The following PDE4D variants were observed in gnomAD, a reference collection of about 807,000 sequenced individuals.
The protein encoded by PDE4D is phosphodiesterase 4D, also known as 3',5'-cyclic-AMP phosphodiesterase 4D.
In PDE4D, 24 loss-of-function variants were observed where a neutral mutation model predicts 87.4. The ratio of observed to expected loss-of-function variants is 0.27; its 90% CI spans 0.20 to 0.39. The LOEUF (loss-of-function observed/expected upper bound fraction) is 0.39, where lower values mean the gene tolerates loss of function less well. PDE4D is among the 10% of genes least tolerant of loss of function. PDE4D has a pLI of 1.00. For synonymous variants in PDE4D, 384 were observed against 383.2 expected, an observed-to-expected ratio of 1.00 and a Z score of -0.02; for missense variants, 714 against 1,041.0, an observed-to-expected ratio of 0.69 and a Z score of 4.32.
intron 1 of PDE4D, among the ~76,000 whole-genome samples, chr5:59,458,903 T>C (rs1245401475): frequency 1.3e-5 from 2 of 152,198 alleles, no homozygotes; most frequent in Non-Finnish European, 2.9e-5. Flanking sequence ...GAAGACATAA[T>C]TTGCATGAGA....
upstream of PDE4D, chr5:60,491,138 G>C (rs1040927386): frequency 1.4e-4 from 21 of 152,142 alleles, no homozygotes; most frequent in African/African-American, 4.8e-4. Context: ...GCTGACAGTT[G>C]GAGCCAATGC....
At chr5:59,868,910 C>G (rs1358684288) in intron 1 of PDE4D, among the ~76,000 whole-genome samples, 1 of 152,180 alleles carries the variant, frequency 6.6e-6, no homozygotes, top group African/African-American at 2.4e-5. Context: ...CTATCATAGT[C>G]ATATTATTCA....
intron 5 of PDE4D, among the ~76,000 whole-genome samples, chr5:59,127,995 C>T (rs572927494): frequency 1.2e-4 from 18 of 146,582 alleles, no homozygotes; most frequent in African/African-American, 4.3e-4. Context: ...GCGTGTCCTC[C>T]GTGTCTGAGC....
intron 2 of PDE4D, among the ~76,000 whole-genome samples, chr5:60,100,809 GA>G (rs1562092736): frequency 6.6e-6 from 1 of 152,072 alleles, no homozygotes; most frequent in Non-Finnish European, 1.5e-5. Flanking sequence ...CAGCTCTTAG[GA>G]AATATGTTCA....
At chr5:59,757,555 G>A (rs1761427089) in intron 1 of PDE4D, among the ~76,000 whole-genome samples, 1 of 152,114 alleles carries the variant, frequency 6.6e-6, no homozygotes, top group South Asian at 2.1e-4. Context: ...GATGGGTCTT[G>A]GTCCTCCTCT....
At chr5:59,982,580 A>C (rs1762034311) in intron 3 of PDE4D, among the ~76,000 whole-genome samples, 1 of 152,228 alleles carries the variant, frequency 6.6e-6, no homozygotes, top group African/African-American at 2.4e-5. Context: ...GCAGGAAACT[A>C]TTTAGAAGTC....
intron 1 of PDE4D, among the ~76,000 whole-genome samples, chr5:59,374,617 C>A (rs1784423014): frequency 6.6e-6 from 1 of 152,102 alleles, no homozygotes; most frequent in African/African-American, 2.4e-5. Context: ...TTAGATATAT[C>A]ATCAAGACAG....
intron 1 of PDE4D, among the ~76,000 whole-genome samples, chr5:59,642,347 ATATAGTTTTC>A (rs1480697203): frequency 6.6e-6 from 1 of 152,192 alleles, no homozygotes; most frequent in East Asian, 1.9e-4. Flanking sequence ...TATTAAACTT[ATATAGTTTTC>A]TATGTCCCTC....
intron 2 of PDE4D, among the ~76,000 whole-genome samples, chr5:59,207,710 T>A (rs992735600): frequency 2.0e-5 from 3 of 151,854 alleles, no homozygotes; most frequent in East Asian, 1.9e-4. Flanking sequence ...CATTTTTTTT[T>A]AAAGAAAGTA....
intron 3 of PDE4D, among the ~76,000 whole-genome samples, chr5:59,960,978 G>A (rs1288522476): frequency 6.6e-6 from 1 of 152,120 alleles, no homozygotes. Context: ...TGGCACTATA[G>A]GCTCTCAATG....
chr5:60,370,445 A>G (rs1294787684), intron 1 of PDE4D, among the ~76,000 whole-genome samples: 1 of 152,218 alleles, frequency 6.6e-6, no homozygotes, highest in Non-Finnish European at 1.5e-5. Context: ...TTACTTAAAA[A>G]TTATCTTCAT....
chr5:59,044,444 C>A (rs2968012), intron 5 of PDE4D, among the ~76,000 whole-genome samples: 89,955 of 152,024 alleles, frequency 0.59, 27,010 homozygotes, highest in East Asian at 0.83. Flanking sequence ...CTTTGTTCTA[C>A]GGAAGGAATT....
chr5:59,956,059 TG>T (rs1374489105), intron 3 of PDE4D, among the ~76,000 whole-genome samples: 1 of 152,156 alleles, frequency 6.6e-6, no homozygotes, highest in Non-Finnish European at 1.5e-5. Context: ...CAGACAAAGA[TG>T]GAAAGGCAAT....
At chr5:60,104,374 G>A (rs892873773) in intron 2 of PDE4D, among the ~76,000 whole-genome samples, 2 of 152,188 alleles carry the variant, frequency 1.3e-5, no homozygotes, top group African/African-American at 2.4e-5. Context: ...AAACTGGGTG[G>A]AGCCCACCAC....
chr5:60,027,634 C>T (rs1188546924), intron 2 of PDE4D, among the ~76,000 whole-genome samples: 1 of 152,212 alleles, frequency 6.6e-6, no homozygotes, highest in African/African-American at 2.4e-5. Context: ...TAAGCGTCAT[C>T]ACAGGCTTTG....
At chr5:59,410,407 T>G (rs1021269209) in intron 1 of PDE4D, among the ~76,000 whole-genome samples, 10 of 152,120 alleles carry the variant, frequency 6.6e-5, no homozygotes, top group African/African-American at 2.4e-4. Context: ...CCACCATGAC[T>G]GGCTAATTTT....
At chr5:59,785,413 G>A (rs1765070453) in intron 1 of PDE4D, among the ~76,000 whole-genome samples, 1 of 152,152 alleles carries the variant, frequency 6.6e-6, no homozygotes, top group Non-Finnish European at 1.5e-5. Context: ...CGTTTATTGA[G>A]CACCTACTAG....
rs1742730390 is a variant in PDE4D, at chr5:58,972,243, T to A, written c.*2421A>T. On this transcript the variant is annotated 3_prime_UTR_variant, in exon 15 of 15. Transcript: ENST00000340635. Reference sequence around the variant, plus strand: ...AGACTTCACTCAGGGACAAATAAAATTAAAAGAAACAAGTTCCCAAATATT... The same window carrying A: ...AGACTTCACTCAGGGACAAATAAAAATAAAAGAAACAAGTTCCCAAATATT... 6.6e-6 allele frequency: 1 copy of A among 152,534 alleles called. No individual in the cohort carries two copies. Among genetic ancestry groups the A allele is most frequent in the Admixed American group, 6.6e-5 (1 of 15,264 alleles). The allele number at this position is 152,534 out of a possible 1,614,324, so 9.4% of individuals were successfully genotyped here.
intron 3 of PDE4D, among the ~76,000 whole-genome samples, chr5:59,981,484 T>C (rs1265254657): frequency 6.6e-6 from 1 of 152,212 alleles, no homozygotes; most frequent in Non-Finnish European, 1.5e-5. Context: ...TTATTGGAAG[T>C]ATTGTTTCCC....
Sources: gnomAD v4.1 joint callset for allele counts (sites outside exome capture counted in the v4.1 genomes callset) on GRCh38, gnomAD v4.1.1 for gene constraint, MANE v1.5 for transcripts, NCBI Gene and HGNC (gene_info 2026-07-23, HGNC 2026-07-21) for gene names.